REDIC1: variants seen among roughly 807,000 people sequenced by gnomAD.
REDIC1 encodes the protein HEI10 Interacting Protein 1.
the REDIC1 span, among the ~76,000 whole-genome samples, chr12:39,786,995 TAA>T: frequency 5.9e-5 from 9 of 151,928 alleles, no homozygotes; most frequent in Admixed American, 5.9e-4. Flanking sequence ...TTCTTTTTTT[TAA>T]AAAAATAATA....
chr12:39,856,600 C>T, the REDIC1 span, among the ~76,000 whole-genome samples: 1 of 152,174 alleles, frequency 6.6e-6, no homozygotes, highest in African/African-American at 2.4e-5. Context: ...ATCTCTTGAC[C>T]TCGTGATTTG....
the REDIC1 span, among the ~76,000 whole-genome samples, chr12:39,692,508 T>C: frequency 7.4e-5 from 11 of 147,736 alleles, no homozygotes; most frequent in Admixed American, 1.4e-4. Flanking sequence ...TATATATTGA[T>C]CCAACTCTAT....
At chr12:39,642,274 C>T in the REDIC1 span, among the ~76,000 whole-genome samples, 1 of 151,712 alleles carries the variant, frequency 6.6e-6, no homozygotes, top group African/African-American at 2.4e-5. Flanking sequence ...ACTTCTTCAA[C>T]ATGTTTCCTG....
chr12:39,786,736 T>C, the REDIC1 span, among the ~76,000 whole-genome samples: 1 of 152,150 alleles, frequency 6.6e-6, no homozygotes, highest in Admixed American at 6.5e-5. Flanking sequence ...CCTTGGTGGG[T>C]GAATCATTCT....
chr12:39,890,045 G>A, the REDIC1 span, among the ~76,000 whole-genome samples: 1 of 151,916 alleles, frequency 6.6e-6, no homozygotes, highest in South Asian at 2.1e-4. Context: ...TACTACATTG[G>A]GTAGAAACCC....
the REDIC1 span, among the ~76,000 whole-genome samples, chr12:39,747,541 G>A: frequency 1.3e-5 from 2 of 152,098 alleles, no homozygotes; most frequent in African/African-American, 4.8e-5. Flanking sequence ...ACCTAGCAAG[G>A]CAGGCCAACA....
At chr12:39,787,620 A>G in the REDIC1 span, among the ~76,000 whole-genome samples, 1 of 152,124 alleles carries the variant, frequency 6.6e-6, no homozygotes, top group Non-Finnish European at 1.5e-5. Context: ...TCTTCATGCA[A>G]TCATGAATAA....
chr12:39,808,667 T>C, the REDIC1 span, among the ~76,000 whole-genome samples: 4 of 152,198 alleles, frequency 2.6e-5, no homozygotes, highest in African/African-American at 9.6e-5. Flanking sequence ...TTTGCATTTC[T>C]TTAATGATTA....
chr12:39,906,222 C>T, the REDIC1 span, among the ~76,000 whole-genome samples: 1 of 152,078 alleles, frequency 6.6e-6, no homozygotes, highest in African/African-American at 2.4e-5. Context: ...TCAGTAATTC[C>T]AACTATCATT....
chr12:39,853,173 A>G, the REDIC1 span, among the ~76,000 whole-genome samples: 3 of 152,126 alleles, frequency 2.0e-5, no homozygotes, highest in Non-Finnish European at 4.4e-5. Context: ...AGTTACGCTC[A>G]CAAAGAATGG....
the REDIC1 span, among the ~76,000 whole-genome samples, chr12:39,797,038 TA>T: frequency 6.6e-6 from 1 of 152,238 alleles, no homozygotes; most frequent in Non-Finnish European, 1.5e-5. Context: ...AAAAAACTTA[TA>T]ATTACCTAAA....
chr12:39,711,769 G>T, the REDIC1 span, among the ~76,000 whole-genome samples: 12 of 113,546 alleles, frequency 1.1e-4, no homozygotes, highest in Non-Finnish European at 2.1e-4. Context: ...GTATGTGTGT[G>T]TGCACATGCA....
At chr12:39,726,474 C>T in the REDIC1 span, among the ~76,000 whole-genome samples, 1 of 152,104 alleles carries the variant, frequency 6.6e-6, no homozygotes, top group Non-Finnish European at 1.5e-5. Context: ...CATCCATGTC[C>T]CTGCAAAGGA....
chr12:39,730,876 G>C, the REDIC1 span, among the ~76,000 whole-genome samples: 8 of 151,812 alleles, frequency 5.3e-5, no homozygotes, highest in African/African-American at 1.7e-4. Context: ...CTCTAATCTT[G>C]TCTTCATGCT....
chr12:39,677,027 GAAAA>G, the REDIC1 span, among the ~76,000 whole-genome samples: 1 of 141,570 alleles, frequency 7.1e-6, no homozygotes, highest in Non-Finnish European at 1.5e-5. Context: ...ATAACACAAT[GAAAA>G]AAAAAAAAAC....
At chr12:39,646,826 T>G in the REDIC1 span, 16 of 1,550,070 alleles carry the variant, frequency 1.0e-5, no homozygotes, top group African/African-American at 2.2e-4. Context: ...AACCTAAATT[T>G]TTCTTTTCAT....
chr12:39,719,737 T>C, the REDIC1 span, among the ~76,000 whole-genome samples: 1 of 152,176 alleles, frequency 6.6e-6, no homozygotes, highest in East Asian at 1.9e-4. Context: ...AGAAGCATGT[T>C]TAGATTTACC....
chr12:39,734,860 T>G, the REDIC1 span, among the ~76,000 whole-genome samples: 7 of 152,242 alleles, frequency 4.6e-5, no homozygotes, highest in Non-Finnish European at 8.8e-5. Context: ...CTTGTCAATT[T>G]CTACTAAAAA....
the REDIC1 span, among the ~76,000 whole-genome samples, chr12:39,711,534 T>TA: frequency 1.6e-5 from 2 of 123,224 alleles, no homozygotes; most frequent in Non-Finnish European, 3.3e-5. Flanking sequence ...TATGTGTATA[T>TA]ACATATATGT....
Sources: gnomAD v4.1 joint callset for allele counts (sites outside exome capture counted in the v4.1 genomes callset) on GRCh38, gnomAD v4.1.1 for gene constraint, MANE v1.5 for transcripts, NCBI Gene and HGNC (gene_info 2026-07-23, HGNC 2026-07-21) for gene names.